Variants in SYNE1 observed in about 807,000 individuals in gnomAD.
The protein encoded by SYNE1 is spectrin repeat containing nuclear envelope protein 1.
A neutral mutation model predicts 1,111.0 loss-of-function variants in SYNE1; 616 were observed. That is an observed-to-expected ratio of 0.55 (90% confidence interval 0.52 to 0.59). The LOEUF (loss-of-function observed/expected upper bound fraction) is 0.59. Among genes scored for constraint, SYNE1 ranks in the 20% least tolerant of loss-of-function variants. The probability of loss-of-function intolerance (pLI) is 0.00; values close to 1 mark genes in which losing one functional copy is unlikely to be tolerated. For synonymous variants in SYNE1, 3,855 were observed against 3,825.8 expected, an observed-to-expected ratio of 1.01 and a Z score of -0.28; for missense variants, 10,006 against 10,417.0, an observed-to-expected ratio of 0.96 and a Z score of 1.72.
intron 108 of SYNE1, among the ~76,000 whole-genome samples, chr6:152,237,937 C>T (rs539770662): frequency 1.2e-4 from 19 of 152,230 alleles, no homozygotes; most frequent in Non-Finnish European, 2.4e-4. Flanking sequence ...GGCAACAGGG[C>T]ACAGTAGTAG....
chr6:152,170,536 C>A (rs1320068426), intron 130 of SYNE1, among the ~76,000 whole-genome samples: 2 of 152,206 alleles, frequency 1.3e-5, no homozygotes, highest in Admixed American at 6.5e-5. Flanking sequence ...GTGCTCATCG[C>A]ATCAATGCAT....
intron 3 of SYNE1, among the ~76,000 whole-genome samples, chr6:152,625,175 C>T (rs2099683345): frequency 6.6e-6 from 1 of 152,158 alleles, no homozygotes; most frequent in African/African-American, 2.4e-5. Context: ...ATAATACCAG[C>T]CCTCCATTTA....
intron 115 of SYNE1, among the ~76,000 whole-genome samples, chr6:152,230,266 A>G (rs971670358): frequency 1.3e-5 from 2 of 152,156 alleles, no homozygotes; most frequent in African/African-American, 4.8e-5. Flanking sequence ...CTTGACAATT[A>G]TTAAATCTGA....
In SYNE1 at chr6:152,358,382, A is replaced by G; in HGVS notation, c.10599T>C (p.Arg3533=). The part of the protein sequence containing the change: ...GDAHTHETTL[R]DLQELQVHCA... ...ATAAAGGAGGCCTTACCTGAAGATC[A>G]CGCAATGTTGTCTCATGAGTGTGGG... is the stretch of plus-strand genomic sequence containing the variant. The change falls in exon 66 of 146, where the codon CGT becomes CGC. Residue 3533 remains arginine, a synonymous_variant. Coordinates refer to ENST00000367255, the MANE Select transcript of SYNE1 (RefSeq NM_182961.4). 6.2e-7 allele frequency: 1 copy of G among 1,614,184 alleles called. No individual in the cohort carries two copies. Among genetic ancestry groups the G allele is most frequent in the Non-Finnish European group, 8.5e-7 (1 of 1,180,028 alleles).
rs2094185159 is a variant in SYNE1, at chr6:152,284,093, T to G, written c.18092A>C (p.Glu6031Ala). Residue 6031 changes from glutamate (E) to alanine (A), a missense_variant, in exon 96 of 146, where the codon GAG becomes GCG. This residue lies in a region of SYNE1 where 4,955 missense variants were observed against 5,017.2 expected (regional missense o/e 0.99). Transcript: ENST00000367255. ...QSSLAEELVS[E>A]SCEADPAEQL... ...CTCCGCAGGGTCGGCCTCACAAGAC[T>G]CGGATACCAGCTCCTCTGCGAGAGA... 6.2e-7 allele frequency: 1 copy of G among 1,614,060 alleles called. No homozygotes were observed. Among genetic ancestry groups the G allele is most frequent in the Admixed American group, 1.7e-5 (1 of 60,004 alleles).
chr6:152,409,626 G>T lies in SYNE1; in HGVS notation c.6314C>A (p.Ala2105Asp), dbSNP rs765644702. 12 of 1,613,828 alleles carry T rather than the reference G, an allele frequency of 7.4e-6. No homozygotes were observed. The highest frequency in any genetic ancestry group is 1.0e-5 in the Non-Finnish European group (12 of 1,179,942). The part of the protein sequence containing the change: ...KSAVSKVLEN[A>D]SSVIVTRTTI... ...AGTTCTGGTTACAATCACACTGCTG[G>T]CATTTTCTAAGACTTTAGATACAGC... Residue 2105 changes from alanine (A) to aspartate (D), a missense_variant, in exon 43 of 146, where the codon GCC becomes GAC. Around this residue, in one of 7 missense-constraint regions of SYNE1, gnomAD observed 4,955 missense variants for 5,017.2 expected, o/e 0.99. Coordinates refer to ENST00000367255, the MANE Select transcript of SYNE1 (RefSeq NM_182961.4).
Position 152,407,107 on chromosome 6 carries a change from C to A in SYNE1, c.6630G>T (p.Glu2210Asp). The A allele has an allele frequency of 6.2e-7, 1 of 1,613,966 alleles. No individual in the cohort carries two copies. The highest frequency in any genetic ancestry group is 2.2e-5 in the East Asian group (1 of 44,856). ...DDVLSTRDEI[E>D]GWSNNCVPQM... ...GTGGAACGCAGTTGTTTGACCATCC[C>A]TCAATCTCATCTCTAGTTGACAGTA... is the stretch of plus-strand genomic sequence containing the variant. The change falls in exon 45 of 146, where the codon GAG becomes GAT. Residue 2210 changes from glutamate (E) to aspartate (D), a missense_variant. Around this residue, in one of 7 missense-constraint regions of SYNE1, gnomAD observed 4,955 missense variants for 5,017.2 expected, o/e 0.99. Coordinates refer to ENST00000367255, the MANE Select transcript of SYNE1 (RefSeq NM_182961.4).
Position 152,604,942 on chromosome 6 carries a change from CACAAAGAAAGAA to C in SYNE1, c.67+23311_67+23322del, listed in dbSNP as rs1362950699. 1.5e-4 allele frequency among the ~76,000 whole-genome samples: 18 copies of C among 116,750 alleles called. 1 individual carries two copies. The highest frequency in any genetic ancestry group is 5.3e-4 in the African/African-American group (16 of 29,908). The allele number at this position is 116,750 out of a possible 152,430, so 76.6% of individuals were successfully genotyped here. Reference sequence around the variant, plus strand: ...GCACTCAAACAGTGAGACCCTATCTCACAAAGAAAGAAAGAAAGAAAGAAAGAAAGAAAGAAA... The same window carrying C: ...GCACTCAAACAGTGAGACCCTATCTCAGAAAGAAAGAAAGAAAGAAAGAAA... On this transcript the variant is annotated intron_variant, in intron 3 of 145. Coordinates refer to ENST00000367255, the MANE Select transcript of SYNE1 (RefSeq NM_182961.4).
chr6:152,417,322 C>T (rs573420109), intron 40 of SYNE1, among the ~76,000 whole-genome samples: 2 of 152,128 alleles, frequency 1.3e-5, no homozygotes. Context: ...CACGGTGAAA[C>T]CCCGTCTCTA....
At chr6:152,186,628 G>A (rs1319678511) in intron 128 of SYNE1, among the ~76,000 whole-genome samples, 5 of 142,380 alleles carry the variant, frequency 3.5e-5, no homozygotes, top group Non-Finnish European at 4.5e-5. Flanking sequence ...GGAAGAAACA[G>A]TGTCGGCAGG....
chr6:152,281,722 C>T (rs1589279978), intron 97 of SYNE1, 85 bp downstream of exon 97: 3 of 1,463,388 alleles, frequency 2.1e-6, no homozygotes, highest in Non-Finnish European at 2.9e-6. Context: ...TATATCCACA[C>T]CAAGCCTTTT....
At chr6:152,474,762 C>T (rs1333695458) in intron 14 of SYNE1, 1 of 152,142 alleles carries the variant, frequency 6.6e-6, no homozygotes, top group African/African-American at 2.4e-5. Context: ...GGCTAACTTT[C>T]AATTTTGTTA....
chr6:152,151,926 G>T (rs1270826845), intron 134 of SYNE1, 33 bp downstream of exon 134: 3 of 1,611,462 alleles, frequency 1.9e-6, no homozygotes, highest in Non-Finnish European at 2.5e-6. Context: ...CCATCCTCTG[G>T]CCTCTAAATT....
chr6:152,202,312 A>C (rs2075628988), intron 126 of SYNE1, among the ~76,000 whole-genome samples: 1 of 132,908 alleles, frequency 7.5e-6, no homozygotes. Flanking sequence ...ACACCACTGC[A>C]CTCCAGTCTA....
intron 73 of SYNE1, among the ~76,000 whole-genome samples, chr6:152,345,982 G>C (rs1178837686): frequency 6.6e-6 from 1 of 152,048 alleles, no homozygotes; most frequent in African/African-American, 2.4e-5. Flanking sequence ...GCTGCATACA[G>C]TTAAAAAGAA....
chr6:152,467,334 A>T (rs2098776429), intron 16 of SYNE1, among the ~76,000 whole-genome samples: 1 of 152,120 alleles, frequency 6.6e-6, no homozygotes, highest in South Asian at 2.1e-4. Context: ...CAGTTGAGAA[A>T]AGAATAATTT....
At chr6:152,498,337 A>G (rs1394880510) in intron 11 of SYNE1, among the ~76,000 whole-genome samples, 1 of 152,226 alleles carries the variant, frequency 6.6e-6, no homozygotes, top group African/African-American at 2.4e-5. Context: ...AAGCTGATCG[A>G]ATACTTACCT....
intron 91 of SYNE1, among the ~76,000 whole-genome samples, chr6:152,302,989 T>C (rs748726478): frequency 2.0e-5 from 3 of 152,098 alleles, no homozygotes; most frequent in Non-Finnish European, 4.4e-5. Context: ...TTTTACTTTC[T>C]TGCTTAAATA....
chr6:152,594,444 A>C (rs1327422167), intron 3 of SYNE1, among the ~76,000 whole-genome samples: 1 of 152,178 alleles, frequency 6.6e-6, no homozygotes, highest in Non-Finnish European at 1.5e-5. Flanking sequence ...GCTCTATCCA[A>C]AGATGGACAG....
Sources: gnomAD v4.1 joint callset for allele counts (sites outside exome capture counted in the v4.1 genomes callset) on GRCh38, gnomAD v4.1.1 for gene constraint, gnomAD v4.1.1 regional missense constraint, MANE v1.5 for transcripts, NCBI Gene and HGNC (gene_info 2026-07-23, HGNC 2026-07-21) for gene names.